The following NRXN1 variants were observed in gnomAD, a reference collection of about 807,000 sequenced individuals.
NRXN1 encodes neurexin 1, also known as neurexin-1.
A neutral mutation model predicts 150.9 loss-of-function variants in NRXN1; 39 were observed. The ratio of observed to expected loss-of-function variants is 0.26; its 90% CI spans 0.20 to 0.34. The LOEUF (loss-of-function observed/expected upper bound fraction) is 0.34. NRXN1 is among the 10% of genes least tolerant of loss of function. The probability of loss-of-function intolerance (pLI) is 1.00; values close to 1 mark genes in which losing one functional copy is unlikely to be tolerated. For synonymous variants in NRXN1, 924 were observed against 757.0 expected (o/e 1.22, Z -3.62); for missense variants, 1,815 against 1,949.9 (o/e 0.93, Z 1.30).
At chr2:50,553,489 A>G (rs1667811674) in intron 8 of NRXN1, among the ~76,000 whole-genome samples, 1 of 152,318 alleles carries the variant, frequency 6.6e-6, no homozygotes, top group South Asian at 2.1e-4. Flanking sequence ...CCCCTAAAAT[A>G]TTGGATCTCT....
chr2:50,221,390 A>G (rs1279567742), intron 18 of NRXN1, among the ~76,000 whole-genome samples: 2 of 152,034 alleles, frequency 1.3e-5, no homozygotes, highest in East Asian at 3.9e-4. Flanking sequence ...TGAATATAAT[A>G]TAGACAGCCA....
intron 22 of NRXN1, among the ~76,000 whole-genome samples, chr2:49,932,193 A>G (rs1202853861): frequency 6.6e-6 from 1 of 152,118 alleles, no homozygotes; most frequent in Non-Finnish European, 1.5e-5. Context: ...AGAGAGGAGT[A>G]TTGCTTGAAG....
chr2:50,110,707 C>CT (rs1702270808), intron 18 of NRXN1, among the ~76,000 whole-genome samples: 1 of 151,982 alleles, frequency 6.6e-6, no homozygotes, highest in Non-Finnish European at 1.5e-5. Flanking sequence ...TTCTTTTTGT[C>CT]TTTTTTCTCC....
At chr2:50,651,921 G>A (rs1468249778) in intron 5 of NRXN1, among the ~76,000 whole-genome samples, 8 of 151,968 alleles carry the variant, frequency 5.3e-5, no homozygotes, top group Non-Finnish European at 8.8e-5. Flanking sequence ...TATGAATAAT[G>A]AACCCTATTT....
Position 50,624,800 on chromosome 2 carries a change from T to A in NRXN1, c.833-1185A>T, listed in dbSNP as rs1321252696. The A allele has an allele frequency of 5.9e-5, 9 of 152,042 alleles. No homozygotes were observed. In the South Asian group the frequency reaches 1.7e-3, roughly 28 times the overall value. The allele number at this position is 152,042 out of a possible 1,614,324, so 9.4% of individuals were successfully genotyped here. Reference sequence around the variant, plus strand: ...GTCTCAACATTTTCTACGTATCTTATTCTTTACCAGATTTAGGAGTAACAA... The same window carrying A: ...GTCTCAACATTTTCTACGTATCTTAATCTTTACCAGATTTAGGAGTAACAA... On this transcript the variant is annotated intron_variant, in intron 5 of 22. Transcript: ENST00000401669.
At chr2:50,886,748 G>A (rs1680310460) in intron 5 of NRXN1, among the ~76,000 whole-genome samples, 1 of 151,290 alleles carries the variant, frequency 6.6e-6, no homozygotes, top group South Asian at 2.1e-4. Flanking sequence ...CTCATATACT[G>A]CCTGGCAAAT....
At chr2:50,752,599 T>G (rs1419040954) in intron 5 of NRXN1, among the ~76,000 whole-genome samples, 1 of 151,886 alleles carries the variant, frequency 6.6e-6, no homozygotes, top group Non-Finnish European at 1.5e-5. Flanking sequence ...AATTTCTATT[T>G]GGAGGCAACT....
chr2:50,762,532 A>G (rs1210157665), intron 5 of NRXN1, among the ~76,000 whole-genome samples: 1 of 151,630 alleles, frequency 6.6e-6, no homozygotes, highest in Non-Finnish European at 1.5e-5. Context: ...TACCGTTGTC[A>G]TCTTTATGTC....
chr2:50,497,310 C>G (rs760469060), intron 14 of NRXN1, 23 bp downstream of exon 14: 2 of 1,431,370 alleles, frequency 1.4e-6, no homozygotes, highest in Non-Finnish European at 1.8e-6. Context: ...TATTTATTTG[C>G]TATTGAACAG....
intron 17 of NRXN1, among the ~76,000 whole-genome samples, chr2:50,453,353 T>G (rs944107981): frequency 2.0e-5 from 3 of 152,184 alleles, no homozygotes; most frequent in Non-Finnish European, 4.4e-5. Flanking sequence ...CTGATCCAGG[T>G]ACCACCGTTT....
intron 2 of NRXN1, among the ~76,000 whole-genome samples, chr2:51,022,510 A>T (rs115550193): frequency 0.018 from 2,752 of 152,216 alleles, 84 homozygotes; most frequent in African/African-American, 0.064. Flanking sequence ...TTATTACCTC[A>T]TAGTCAAAAT....
At chr2:50,046,703 C>T (rs866128098) in intron 21 of NRXN1, among the ~76,000 whole-genome samples, 7 of 152,118 alleles carry the variant, frequency 4.6e-5, no homozygotes, top group African/African-American at 1.4e-4. Flanking sequence ...ACAGCTAGTA[C>T]GTGGTAAACA....
At chr2:50,182,306 C>A (rs1559044518) in intron 18 of NRXN1, among the ~76,000 whole-genome samples, 1 of 151,794 alleles carries the variant, frequency 6.6e-6, no homozygotes, top group Non-Finnish European at 1.5e-5. Context: ...TTACATGTGG[C>A]ATTCATCTTC....
At chr2:50,489,840 A>G (rs1228800739) in intron 15 of NRXN1, among the ~76,000 whole-genome samples, 1 of 152,220 alleles carries the variant, frequency 6.6e-6, no homozygotes, top group African/African-American at 2.4e-5. Flanking sequence ...AGGGAAGCAG[A>G]GGGAAGAACT....
At chr2:50,294,416 T>C (rs1351212281) in intron 17 of NRXN1, among the ~76,000 whole-genome samples, 1 of 152,220 alleles carries the variant, frequency 6.6e-6, no homozygotes, top group Admixed American at 6.5e-5. Context: ...TGTATTCTGT[T>C]ATAAAAATAA....
chr2:50,677,997 A>T (rs1239056706), intron 5 of NRXN1, among the ~76,000 whole-genome samples: 1 of 152,166 alleles, frequency 6.6e-6, no homozygotes, highest in African/African-American at 2.4e-5. Context: ...CATTAAAAAA[A>T]TTCTATCATC....
At chr2:50,975,502 T>C (rs1225341174) in intron 2 of NRXN1, among the ~76,000 whole-genome samples, 1 of 152,130 alleles carries the variant, frequency 6.6e-6, no homozygotes, top group Non-Finnish European at 1.5e-5. Flanking sequence ...ATTCTACTAT[T>C]TCCTACTATT....
chr2:50,384,084 C>T (rs1378989485), intron 17 of NRXN1, among the ~76,000 whole-genome samples: 2 of 152,200 alleles, frequency 1.3e-5, no homozygotes, highest in South Asian at 2.1e-4. Flanking sequence ...CATTAAATGA[C>T]TTTTTATCTG....
chr2:50,612,097 G>A (rs932043708), intron 8 of NRXN1, among the ~76,000 whole-genome samples: 6 of 152,138 alleles, frequency 3.9e-5, no homozygotes, highest in Non-Finnish European at 7.3e-5. Flanking sequence ...GCAGTTACGG[G>A]CAAGGATTTC....
Sources: gnomAD v4.1 joint callset for allele counts (sites outside exome capture counted in the v4.1 genomes callset) on GRCh38, gnomAD v4.1.1 for gene constraint, MANE v1.5 for transcripts, NCBI Gene and HGNC (gene_info 2026-07-23, HGNC 2026-07-21) for gene names.